CSMD1: variants seen among roughly 807,000 people sequenced by gnomAD.
The protein encoded by CSMD1 is CUB and sushi domain-containing protein 1.
CSMD1 carries 213 observed loss-of-function variants against 417.5 expected under a neutral mutation model. The observed-to-expected ratio is 0.51, with a 90% CI of 0.46 to 0.57. CSMD1 has a LOEUF of 0.57. Among genes scored for constraint, CSMD1 ranks in the 20% least tolerant of loss-of-function variants. The pLI is 0.00. For synonymous variants in CSMD1, 2,862 were observed against 1,736.8 expected (o/e 1.65, Z -16.11); for missense variants, 6,923 against 4,529.7 (o/e 1.53, Z -15.17).
chr8:4,768,893 G>C (rs1011531292), intron 1 of CSMD1, among the ~76,000 whole-genome samples: 1 of 152,162 alleles, frequency 6.6e-6, no homozygotes, highest in Non-Finnish European at 1.5e-5. Flanking sequence ...TTTCCTAGCC[G>C]AGTCTTCCAG....
intron 3 of CSMD1, among the ~76,000 whole-genome samples, chr8:4,358,531 G>T (rs187051937): frequency 2.0e-5 from 3 of 152,270 alleles, no homozygotes; most frequent in Non-Finnish European, 4.4e-5. Context: ...CAGATGCAGA[G>T]GTGACGATAT....
intron 18 of CSMD1, among the ~76,000 whole-genome samples, chr8:3,379,638 G>A (rs947647776): frequency 3.3e-5 from 5 of 152,104 alleles, no homozygotes; most frequent in Non-Finnish European, 7.4e-5. Context: ...ATAAAAACAA[G>A]CAATGGGGAA....
chr8:3,994,956 T>C (rs912810321), intron 5 of CSMD1, among the ~76,000 whole-genome samples: 3 of 152,162 alleles, frequency 2.0e-5, no homozygotes, highest in African/African-American at 7.2e-5. Context: ...TCACAGTCAC[T>C]CGCACCACCC....
rs763331021 is a variant in CSMD1, at chr8:4,994,359, A to C, written c.58T>G (p.Cys20Gly). The C allele has an allele frequency of 6.2e-7, 1 of 1,611,804 alleles. No homozygotes were observed. Among genetic ancestry groups the C allele is most frequent in the Admixed American group, 1.7e-5 (1 of 60,028 alleles). Residue 20 changes from cysteine to glycine, a missense_variant, in exon 1 of 70, where the codon TGC becomes GGC. Transcript: ENST00000635120. Reference sequence around the variant, plus strand: ...TTCGCTGCAGTGAGGAGCCTCGCGCACAGCACCAGCAGCCCGAGAAGCAGG... The same window carrying C: ...TTCGCTGCAGTGAGGAGCCTCGCGCCCAGCACCAGCAGCCCGAGAAGCAGG... Reference protein sequence around the residue: ...LLLLLGLLVLCARLLTAAKGQ... With the variant: ...LLLLLGLLVLGARLLTAAKGQ...
chr8:3,177,573 T>C (rs62502892), intron 37 of CSMD1, among the ~76,000 whole-genome samples: 1 of 152,118 alleles, frequency 6.6e-6, no homozygotes, highest in Non-Finnish European at 1.5e-5. Context: ...TCTTCCCTAA[T>C]AAGCCCATAG....
intron 17 of CSMD1, 80 bp from the exon 18 acceptor site, chr8:3,387,762 G>T (rs573885345): frequency 1.8e-6 from 2 of 1,138,132 alleles, no homozygotes; most frequent in Non-Finnish European, 2.5e-6. Context: ...CATCAACTAC[G>T]AAATAGTCTC....
At chr8:4,866,833 T>A (rs1802448065) in intron 1 of CSMD1, among the ~76,000 whole-genome samples, 1 of 152,038 alleles carries the variant, frequency 6.6e-6, no homozygotes, top group South Asian at 2.1e-4. Flanking sequence ...TTTTCATGAT[T>A]TTTAAAAATT....
At chr8:4,965,839 T>G (rs1809821798) in intron 1 of CSMD1, among the ~76,000 whole-genome samples, 1 of 152,184 alleles carries the variant, frequency 6.6e-6, no homozygotes, top group Non-Finnish European at 1.5e-5. Context: ...CATCTTCATG[T>G]TGATTGGAGG....
chr8:4,003,673 G>C (rs1227008440), intron 4 of CSMD1, among the ~76,000 whole-genome samples: 1 of 152,128 alleles, frequency 6.6e-6, no homozygotes, highest in African/African-American at 2.4e-5. Flanking sequence ...AACTGATCTA[G>C]TTGTATGTTC....
chr8:4,883,502 C>G, intron 1 of CSMD1, among the ~76,000 whole-genome samples: 1 of 152,056 alleles, frequency 6.6e-6, no homozygotes, highest in East Asian at 1.9e-4. Context: ...TCCTCATCAA[C>G]CAGATGTTGA....
intron 12 of CSMD1, among the ~76,000 whole-genome samples, chr8:3,430,015 T>C (rs1207868561): frequency 3.3e-5 from 5 of 152,208 alleles, no homozygotes; most frequent in African/African-American, 1.2e-4. Context: ...TGTACAAATT[T>C]AATTATAAAA....
At chr8:4,077,181 G>C (rs573769820) in intron 3 of CSMD1, among the ~76,000 whole-genome samples, 21 of 151,096 alleles carry the variant, frequency 1.4e-4, no homozygotes, top group Admixed American at 4.6e-4. Context: ...GTAAAAACTG[G>C]TGTAGAGAGA....
chr8:3,804,807 T>C (rs984888605), intron 5 of CSMD1, among the ~76,000 whole-genome samples: 4 of 152,242 alleles, frequency 2.6e-5, no homozygotes, highest in African/African-American at 4.8e-5. Context: ...TAATTATTCA[T>C]ATCTAATAAT....
At chr8:3,269,975 C>T (rs1801716460) in intron 26 of CSMD1, among the ~76,000 whole-genome samples, 1 of 151,648 alleles carries the variant, frequency 6.6e-6, no homozygotes. Context: ...CAACCCTACT[C>T]CATTGATGGC....
intron 26 of CSMD1, among the ~76,000 whole-genome samples, chr8:3,232,609 A>AT: frequency 6.6e-6 from 1 of 152,142 alleles, no homozygotes; most frequent in African/African-American, 2.4e-5. Context: ...TATGTTTTGG[A>AT]TTTTCACTTC....
intron 5 of CSMD1, among the ~76,000 whole-genome samples, chr8:3,781,713 C>G (rs1377504446): frequency 6.6e-6 from 1 of 152,152 alleles, no homozygotes; most frequent in Non-Finnish European, 1.5e-5. Context: ...TCTAGGGTGT[C>G]CCCATGTGAG....
chr8:4,447,878 A>C (rs34380501), intron 2 of CSMD1, among the ~76,000 whole-genome samples: 31,144 of 152,270 alleles, frequency 0.2, 4,058 homozygotes, highest in Middle Eastern at 0.31. Flanking sequence ...GGCTCGACGA[A>C]TGTACAATTT....
At chr8:4,466,001 A>G (rs1468883349) in intron 2 of CSMD1, among the ~76,000 whole-genome samples, 3 of 152,240 alleles carry the variant, frequency 2.0e-5, no homozygotes, top group African/African-American at 7.2e-5. Flanking sequence ...CTGAGACATT[A>G]AAGATGTGCA....
chr8:3,675,708 ACT>A (rs760170304), intron 7 of CSMD1, among the ~76,000 whole-genome samples: 1 of 152,132 alleles, frequency 6.6e-6, no homozygotes, highest in Non-Finnish European at 1.5e-5. Context: ...TCCTTGCAAG[ACT>A]CTGAATCTAT....
Sources: allele counts gnomAD v4.1 joint callset (sites outside exome capture counted in the v4.1 genomes callset), GRCh38; gene constraint gnomAD v4.1.1; transcripts MANE v1.5; gene names NCBI Gene and HGNC (gene_info 2026-07-23, HGNC 2026-07-21).